The following NKAIN2 variants were observed in gnomAD, a reference collection of about 807,000 sequenced individuals.
NKAIN2 encodes sodium/potassium transporting ATPase interacting 2, also known as sodium/potassium-transporting ATPase subunit beta-1-interacting protein 2.
Under a neutral mutation model 32.6 loss-of-function variants are expected in NKAIN2, and 14 were observed. The ratio of observed to expected loss-of-function variants is 0.43; its 90% CI spans 0.28 to 0.67. The LOEUF (loss-of-function observed/expected upper bound fraction) is 0.67, where lower values mean the gene tolerates loss of function less well. NKAIN2 is among the 30% of genes least tolerant of loss of function. The pLI, the probability that NKAIN2 is intolerant of heterozygous loss-of-function variation, is 0.17. For synonymous variants in NKAIN2, 80 were observed against 87.2 expected (o/e 0.92, Z 0.46); for missense variants, 198 against 258.3 (o/e 0.77, Z 1.60).
intron 3 of NKAIN2, among the ~76,000 whole-genome samples, chr6:124,511,040 G>A (rs991183719): frequency 6.6e-6 from 1 of 152,052 alleles, no homozygotes; most frequent in South Asian, 2.1e-4. Context: ...ATAACTATGT[G>A]CTACCCAGGA....
At chr6:124,626,650 C>T (rs1319612949) in intron 3 of NKAIN2, among the ~76,000 whole-genome samples, 2 of 152,050 alleles carry the variant, frequency 1.3e-5, no homozygotes, top group Non-Finnish European at 1.5e-5. Flanking sequence ...TGAAAGCCGC[C>T]CTCTATTATT....
intron 3 of NKAIN2, among the ~76,000 whole-genome samples, chr6:124,575,672 G>A (rs984219593): frequency 1.3e-5 from 2 of 152,190 alleles, no homozygotes; most frequent in African/African-American, 2.4e-5. Flanking sequence ...GCTTAGGCCA[G>A]TGAAAACTGA....
At chr6:124,188,433 A>G (rs1789853974) in intron 1 of NKAIN2, among the ~76,000 whole-genome samples, 1 of 152,236 alleles carries the variant, frequency 6.6e-6, no homozygotes, top group Non-Finnish European at 1.5e-5. Flanking sequence ...CATCCAGATT[A>G]TGTAAAATAA....
chr6:123,979,308 G>A (rs73557043), intron 1 of NKAIN2, among the ~76,000 whole-genome samples: 1,942 of 152,220 alleles, frequency 0.013, 53 homozygotes, highest in African/African-American at 0.044. Context: ...AGTAACATTC[G>A]TTATTACATG....
At chr6:124,236,177 TA>T (rs1792749150) in intron 1 of NKAIN2, among the ~76,000 whole-genome samples, 2 of 152,112 alleles carry the variant, frequency 1.3e-5, no homozygotes, top group South Asian at 4.1e-4. Flanking sequence ...CAACAATTAT[TA>T]AATAATGTAA....
At chr6:124,729,904 A>G (rs1393473343) in intron 4 of NKAIN2, among the ~76,000 whole-genome samples, 3 of 151,086 alleles carry the variant, frequency 2.0e-5, no homozygotes, top group Non-Finnish European at 4.4e-5. Flanking sequence ...AAGCATTCTT[A>G]TACACCAGCA....
At chr6:124,014,535 A>T (rs1780479912) in intron 1 of NKAIN2, among the ~76,000 whole-genome samples, 1 of 152,054 alleles carries the variant, frequency 6.6e-6, no homozygotes, top group South Asian at 2.1e-4. Flanking sequence ...TCAATATATT[A>T]TGGTATTATA....
At chr6:124,445,099 G>T (rs753533890) in intron 3 of NKAIN2, among the ~76,000 whole-genome samples, 2 of 152,006 alleles carry the variant, frequency 1.3e-5, no homozygotes, top group African/African-American at 4.8e-5. Context: ...CTGCAAGGAT[G>T]TCTTTAAGTT....
intron 1 of NKAIN2, among the ~76,000 whole-genome samples, chr6:124,238,106 G>A (rs1389378850): frequency 1.3e-5 from 2 of 151,990 alleles, no homozygotes; most frequent in Non-Finnish European, 2.9e-5. Flanking sequence ...AAAAGGGTTG[G>A]GAGTTCAGCA....
chr6:124,584,809 T>G (rs574445317), intron 3 of NKAIN2, among the ~76,000 whole-genome samples: 1 of 152,078 alleles, frequency 6.6e-6, no homozygotes, highest in African/African-American at 2.4e-5. Context: ...AAATAACAAA[T>G]GCTGGTGATT....
At chr6:124,783,363 C>T (rs1214869298) in intron 4 of NKAIN2, among the ~76,000 whole-genome samples, 1 of 152,108 alleles carries the variant, frequency 6.6e-6, no homozygotes, top group Admixed American at 6.6e-5. Context: ...ATAGATAATA[C>T]CAGTTTGCAT....
chr6:124,564,728 G>A (rs1485949891), intron 3 of NKAIN2, among the ~76,000 whole-genome samples: 1 of 152,198 alleles, frequency 6.6e-6, no homozygotes, highest in Non-Finnish European at 1.5e-5. Flanking sequence ...GCAGGAGGCT[G>A]TAAAAGAGGA....
chr6:124,318,685 G>T (rs1583040806), intron 2 of NKAIN2, among the ~76,000 whole-genome samples: 1 of 151,844 alleles, frequency 6.6e-6, no homozygotes, highest in Non-Finnish European at 1.5e-5. Context: ...TGCATTTCTG[G>T]ACCTGATGAG....
intron 4 of NKAIN2, among the ~76,000 whole-genome samples, chr6:124,725,727 G>A (rs372310425): frequency 6.6e-6 from 1 of 152,188 alleles, no homozygotes; most frequent in Non-Finnish European, 1.5e-5. Flanking sequence ...AATAGGAACA[G>A]CTCTGGTCTA....
chr6:123,840,284 A>G (rs1235735401), intron 1 of NKAIN2, among the ~76,000 whole-genome samples: 1 of 152,100 alleles, frequency 6.6e-6, no homozygotes, highest in African/African-American at 2.4e-5. Context: ...ACTTTTTTAA[A>G]CTATAAAAGT....
intron 3 of NKAIN2, among the ~76,000 whole-genome samples, chr6:124,642,788 T>A (rs1489274066): frequency 2.6e-5 from 4 of 152,304 alleles, no homozygotes; most frequent in Admixed American, 2.0e-4. Context: ...TTGTTAAAAT[T>A]TGCTTTTTTC....
chr6:124,654,920 A>C (rs1301227619), intron 3 of NKAIN2, among the ~76,000 whole-genome samples: 2 of 152,126 alleles, frequency 1.3e-5, no homozygotes, highest in Non-Finnish European at 2.9e-5. Flanking sequence ...ACTGTGAGAA[A>C]ATAAGTTTCT....
intron 4 of NKAIN2, among the ~76,000 whole-genome samples, chr6:124,663,286 C>T (rs1485786472): frequency 6.6e-6 from 1 of 151,892 alleles, no homozygotes; most frequent in Non-Finnish European, 1.5e-5. Flanking sequence ...AAAAAAATAG[C>T]CAGGTGTGGT....
chr6:124,345,500 C>T (rs1213768053), intron 2 of NKAIN2, among the ~76,000 whole-genome samples: 2 of 151,884 alleles, frequency 1.3e-5, no homozygotes, highest in African/African-American at 4.8e-5. Context: ...TGATTATTGC[C>T]ACAATTTCAG....
Sources: allele counts gnomAD v4.1 joint callset (sites outside exome capture counted in the v4.1 genomes callset), GRCh38; gene constraint gnomAD v4.1.1; transcripts MANE v1.5; gene names NCBI Gene and HGNC (gene_info 2026-07-23, HGNC 2026-07-21).